MYH14: variants seen among roughly 807,000 people sequenced by gnomAD.
MYH14 encodes the protein myosin heavy chain 14.
A neutral mutation model predicts 255.5 loss-of-function variants in MYH14; 123 were observed. The ratio of observed to expected loss-of-function variants is 0.48; its 90% confidence interval spans 0.42 to 0.56. The LOEUF (loss-of-function observed/expected upper bound fraction) is 0.56. Among genes scored for constraint, MYH14 ranks in the 20% least tolerant of loss-of-function variants. The probability of loss-of-function intolerance (pLI) is 0.00; values close to 1 mark genes in which losing one functional copy is unlikely to be tolerated. For missense variants in MYH14, 2,423 were observed against 2,802.3 expected (o/e 0.86, Z 3.06); for synonymous variants, 1,095 against 1,161.2 (o/e 0.94, Z 1.16).
At position 50,222,252 on chromosome 19, in the gene MYH14, C is replaced by G. The variant is rs537090384; in HGVS notation, c.563-831C>G. On this transcript the variant is annotated intron_variant, in intron 3 of 42. Coordinates refer to ENST00000642316, the MANE Select transcript of MYH14 (RefSeq NM_001145809.2). ...TCCCAGCACTTTGGGAGGCCGAGGC[C>G]GGTGGATCACGAGGTCAGGAGATCG... 5.1e-4 allele frequency among the ~76,000 whole-genome samples: 77 copies of G among 151,906 alleles called. 2 individuals carry two copies. The East Asian group carries it at 0.014, about 28-fold the overall frequency.
rs118116932 is a variant in MYH14 at position 50,292,947 on chromosome 19, T to C, written c.5257-286T>C. 0.026 allele frequency among the ~76,000 whole-genome samples: 3,874 copies of C among 151,578 alleles called. 69 individuals carry two copies. The highest frequency in any genetic ancestry group is 0.038 in the Non-Finnish European group (2,570 of 67,818). On this transcript the variant is annotated intron_variant, in intron 37 of 42. Transcript: ENST00000642316. ...GAGCACTGGGGGTCTGGCCCGGTGA[T>C]TGGGGGACCCTGGAGGAGAGGCAGG...
Position 50,261,447 on chromosome 19 carries a change from G to A in MYH14, c.2425-28G>A, listed in dbSNP as rs201464057. Reference sequence around the variant, plus strand: ...CCCACTCCCCCATCACCCCCTCTCCGTCATCACCCCTCTCCCACCCCTCAC... The same window carrying A: ...CCCACTCCCCCATCACCCCCTCTCCATCATCACCCCTCTCCCACCCCTCAC... On this transcript the variant is annotated intron_variant, in intron 20 of 42. Transcript: ENST00000642316. 221 of 704,102 alleles carry A rather than the reference G, an allele frequency of 3.1e-4. 1 individual carries two copies. The East Asian group carries it at 0.017, about 54-fold the overall frequency. 43.6% of individuals were successfully genotyped at this position (704,102 alleles called of 1,614,324 possible). A position where few individuals can be genotyped will look rare whatever the true frequency, so the allele number is the denominator to read the frequency against.
At position 50,293,639 on chromosome 19, in the gene MYH14, G is replaced by C. The variant is rs1255200792; in HGVS notation, c.5421G>C (p.Gln1807His). The change falls in exon 39 of 43, where the codon CAG becomes CAC. Residue 1807 changes from glutamine (Q) to histidine (H), a missense_variant. Transcript: ENST00000642316. The surrounding 1 kb of genome is among the most constrained non-coding windows in gnomAD (Gnocchi z 4.1). ...GQLEEELEEE[Q>H]SNSELLNDRY... ...TGGAGGAAGAGCTGGAGGAGGAGCAGAGCAACTCGGAGCTGCTCAATGACC... is the reference window on the plus strand; with the variant it reads ...TGGAGGAAGAGCTGGAGGAGGAGCACAGCAACTCGGAGCTGCTCAATGACC... The C allele has an allele frequency of 5.0e-6, 8 of 1,609,766 alleles. No homozygotes were observed. Among genetic ancestry groups the C allele is most frequent in the Non-Finnish European group, 6.8e-6 (8 of 1,178,112 alleles).
intron 10 of MYH14, among the ~76,000 whole-genome samples, chr19:50,237,546 T>G (rs1240539774): frequency 6.6e-6 from 1 of 152,182 alleles, no homozygotes; most frequent in Non-Finnish European, 1.5e-5. Flanking sequence ...CAGGCTGGTC[T>G]CGAACTCCTG....
At position 50,256,667 on chromosome 19, in the gene MYH14, C is replaced by A. The variant is rs138819376; in HGVS notation, c.2045-632C>A. Among the ~76,000 whole-genome samples the A allele has an allele frequency of 2.3e-3, 347 of 152,320 alleles. 5 individuals carry two copies. Among genetic ancestry groups the A allele is most frequent in the Admixed American group, 0.018 (273 of 15,294 alleles). On this transcript the variant is annotated intron_variant, in intron 17 of 42. Transcript: ENST00000642316. The stretch of plus-strand genomic sequence containing the variant: ...GAGATTACAGGCATGAGCCACCGCA[C>A]CCTGCCAAGAAAATAGAACCTCTAT...
intron 39 of MYH14, among the ~76,000 whole-genome samples, chr19:50,300,007 T>C (rs2036427243): frequency 6.6e-6 from 1 of 152,036 alleles, no homozygotes; most frequent in South Asian, 2.1e-4. Flanking sequence ...CTTTTTTAAA[T>C]GGGTAGGATT....
Position 50,227,456 on chromosome 19 carries a change from C to G in MYH14, c.874+490C>G, listed in dbSNP as rs565527681. On this transcript the variant is annotated intron_variant, in intron 8 of 42. Coordinates refer to ENST00000642316, the MANE Select transcript of MYH14 (RefSeq NM_001145809.2). ...GCTGGCCACATCCCCGCCTGCACCCCCCGTCCCCCGCCCTTAGTATGAACC... is the reference window on the plus strand; with the variant it reads ...GCTGGCCACATCCCCGCCTGCACCCGCCGTCCCCCGCCCTTAGTATGAACC... Among the ~76,000 whole-genome samples, 11 of 152,190 alleles carry G rather than the reference C, an allele frequency of 7.2e-5. No individual in the cohort carries two copies. In the East Asian group the frequency reaches 1.9e-3, roughly 27 times the overall value.
At chr19:50,227,465 C>T (rs975932822) in intron 8 of MYH14, among the ~76,000 whole-genome samples, 1 of 152,104 alleles carries the variant, frequency 6.6e-6, no homozygotes, top group Admixed American at 6.5e-5. Context: ...CCCCGTCCCC[C>T]GCCCTTAGTA....
chr19:50,242,673 C>T (rs773781773), intron 10 of MYH14, among the ~76,000 whole-genome samples: 3 of 152,120 alleles, frequency 2.0e-5, no homozygotes, highest in East Asian at 3.9e-4. Context: ...AACTGTTCTA[C>T]AATGAACAGC....
intron 10 of MYH14, among the ~76,000 whole-genome samples, chr19:50,235,649 G>A (rs1442105566): frequency 1.3e-5 from 2 of 151,794 alleles, no homozygotes; most frequent in East Asian, 3.9e-4. Flanking sequence ...TTAACCAGGT[G>A]TGGTGGTGCA....
At chr19:50,228,517 G>A (rs1038001257) in intron 8 of MYH14, among the ~76,000 whole-genome samples, 2 of 152,076 alleles carry the variant, frequency 1.3e-5, no homozygotes, top group Non-Finnish European at 2.9e-5. Context: ...CTGCCTTGTG[G>A]GAGATGCTTC....
chr19:50,232,003 G>T lies in MYH14; in HGVS notation c.1047G>T (p.Glu349Asp). ...TNGPSSSPGQ[E>D]RELFQETLES... is the part of the protein sequence containing the mutation. ...GGCCGTCATCCTCTCCCGGCCAGGAGCGGGAACTCTTCCAGGAGACGCTGG... is the reference window on the plus strand; with the variant it reads ...GGCCGTCATCCTCTCCCGGCCAGGATCGGGAACTCTTCCAGGAGACGCTGG... Residue 349 changes from glutamate (E) to aspartate (D), a missense_variant, in exon 10 of 43, where the codon GAG (glutamate) becomes GAT (aspartate). Around this residue, in one of 3 missense-constraint regions of MYH14, gnomAD observed 672 missense variants for 881.8 expected, o/e 0.76. Coordinates refer to ENST00000642316, the MANE Select transcript of MYH14 (RefSeq NM_001145809.2). 1.2e-6 allele frequency: 2 copies of T among 1,613,828 alleles called. No homozygotes were observed. The highest frequency in any genetic ancestry group is 2.2e-5 in the South Asian group (2 of 91,084).
At chr19:50,203,855 G>T (rs1301034282) in intron 1 of MYH14, among the ~76,000 whole-genome samples, 184 bp downstream of exon 1, 1 of 151,694 alleles carries the variant, frequency 6.6e-6, no homozygotes, top group South Asian at 2.1e-4. Context: ...GTGGGGGGGC[G>T]GGACGTCTAC....
At chr19:50,263,142 T>C (rs1383728420) in intron 21 of MYH14, among the ~76,000 whole-genome samples, 170 bp from the exon 22 acceptor site, 2 of 152,180 alleles carry the variant, frequency 1.3e-5, no homozygotes, top group Non-Finnish European at 2.9e-5. Context: ...GAGGTTGCAG[T>C]GAGCCCAGAT....
At chr19:50,233,817 A>ACCCCCCCCCCCCCCCCCC (rs1385579013) in intron 10 of MYH14, among the ~76,000 whole-genome samples, 1 of 112,034 alleles carries the variant, frequency 8.9e-6, no homozygotes, top group Non-Finnish European at 1.8e-5. Context: ...CCTCCCCCCG[A>ACCCCCCCCCCCCCCCCCC]CCCCCCCGCC....
intron 39 of MYH14, among the ~76,000 whole-genome samples, chr19:50,295,868 T>G (rs189251374): frequency 1.8e-4 from 27 of 151,998 alleles, no homozygotes; most frequent in African/African-American, 6.0e-4. Flanking sequence ...ATCCTAGCAC[T>G]TTGGGAGGCT....
chr19:50,239,835 C>T (rs908400455), intron 10 of MYH14, among the ~76,000 whole-genome samples: 1 of 152,102 alleles, frequency 6.6e-6, no homozygotes, highest in Non-Finnish European at 1.5e-5. Flanking sequence ...AGGCGTGAGC[C>T]ACCGCGCCCG....
intron 9 of MYH14, among the ~76,000 whole-genome samples, chr19:50,231,215 C>T (rs2033368077): frequency 6.6e-6 from 1 of 152,244 alleles, no homozygotes. Flanking sequence ...CGCTTCCTGG[C>T]TCCTGCGGCC....
intron 10 of MYH14, among the ~76,000 whole-genome samples, chr19:50,234,733 C>A (rs2033579230): frequency 1.3e-5 from 2 of 152,198 alleles, no homozygotes; most frequent in African/African-American, 4.8e-5. Context: ...TCACCATGAG[C>A]TCATGTGACC....
Sources: gnomAD v4.1 joint callset for allele counts (sites outside exome capture counted in the v4.1 genomes callset) on GRCh38, gnomAD v4.1.1 for gene constraint, gnomAD v4.1.1 regional missense constraint, Gnocchi (gnomAD v3.1) non-coding constraint, MANE v1.5 for transcripts, NCBI Gene and HGNC (gene_info 2026-07-23, HGNC 2026-07-21) for gene names.